The following TENM2 variants were observed in gnomAD, a reference collection of about 807,000 sequenced individuals.
TENM2 encodes teneurin-2.
TENM2 carries 52 observed loss-of-function variants against 245.2 expected under a neutral mutation model. The ratio of observed to expected loss-of-function variants is 0.21; its 90% CI spans 0.17 to 0.27. The LOEUF is 0.27. Among genes scored for constraint, TENM2 ranks in the 10% least tolerant of loss-of-function variants. TENM2 has a pLI of 1.00. For synonymous variants in TENM2, 1,363 were observed against 1,438.9 expected, an observed-to-expected ratio of 0.95 and a Z score of 1.19; for missense variants, 3,046 against 3,666.8, an observed-to-expected ratio of 0.83 and a Z score of 4.37.
chr5:167,358,836 CA>C (rs1411072357), intron 1 of TENM2, among the ~76,000 whole-genome samples: 9 of 127,112 alleles, frequency 7.1e-5, no homozygotes, highest in African/African-American at 8.3e-5. Flanking sequence ...CACACACACA[CA>C]CACACACACA....
intron 5 of TENM2, among the ~76,000 whole-genome samples, chr5:168,023,314 C>T (rs963029470): frequency 2.0e-5 from 3 of 152,216 alleles, no homozygotes; most frequent in African/African-American, 7.2e-5. Context: ...GCAGCATTCC[C>T]CCCATCCAGC....
chr5:168,203,925 T>G, intron 18 of TENM2, 93 bp downstream of exon 20: 5 of 1,104,570 alleles, frequency 4.5e-6, no homozygotes, highest in Non-Finnish European at 6.0e-6. Context: ...ACACCTCCCC[T>G]TCCCTGGGTC....
chr5:167,865,268 T>C lies in TENM2; in HGVS notation c.503-10718T>C, dbSNP rs1398768988. Among the ~76,000 whole-genome samples, 3 of 152,072 alleles carry C rather than the reference T, an allele frequency of 2.0e-5. No individual in the cohort carries two copies. In the East Asian group the frequency reaches 5.8e-4, roughly 29 times the overall value. On this transcript the variant is annotated intron_variant, in intron 2 of 28. Coordinates refer to ENST00000518659, the Ensembl canonical transcript of TENM2. ...TTAGAGTCAAGAGTGGAATTGAATTTCTCTCTCTCTCTTTTATTTATTTAT... is the reference window on the plus strand; with the variant it reads ...TTAGAGTCAAGAGTGGAATTGAATTCCTCTCTCTCTCTTTTATTTATTTAT...
chr5:167,772,972 G>A (rs1311838813), intron 2 of TENM2, among the ~76,000 whole-genome samples: 1 of 152,064 alleles, frequency 6.6e-6, no homozygotes, highest in Non-Finnish European at 1.5e-5. Flanking sequence ...AAATATCAGA[G>A]CAGTGAAAAA....
intron 1 of TENM2, among the ~76,000 whole-genome samples, chr5:167,334,427 A>T (rs931427082): frequency 6.6e-6 from 1 of 152,238 alleles, no homozygotes; most frequent in Non-Finnish European, 1.5e-5. Context: ...AGATACACTT[A>T]ATGGCATAAA....
At chr5:167,346,885 C>T (rs1758488946) in intron 1 of TENM2, among the ~76,000 whole-genome samples, 2 of 152,096 alleles carry the variant, frequency 1.3e-5, no homozygotes, top group South Asian at 4.1e-4. Context: ...GCAATCCTTC[C>T]ACTTCAAGCC....
intron 6 of TENM2, among the ~76,000 whole-genome samples, chr5:168,050,482 C>G (rs1038383110): frequency 1.3e-5 from 2 of 151,992 alleles, no homozygotes; most frequent in Admixed American, 1.3e-4. Context: ...AACACCGCCT[C>G]CTTTTTTTGG....
chr5:167,363,730 C>CAAAAAAAAAAAAAAAAAAAAAAAAAA (rs10659741), intron 1 of TENM2, among the ~76,000 whole-genome samples: 1 of 89,324 alleles, frequency 1.1e-5, no homozygotes, highest in African/African-American at 4.5e-5. Context: ...GACTCCATCT[C>CAAAAAAAAAAAAAAAAAAAAAAAAAA]AAAAAAAAAA....
chr5:167,810,806 G>T (rs1471459896), intron 2 of TENM2, among the ~76,000 whole-genome samples: 1 of 152,040 alleles, frequency 6.6e-6, no homozygotes, highest in East Asian at 1.9e-4. Flanking sequence ...TGAAGAACTG[G>T]CTTCACTCTT....
intron 5 of TENM2, among the ~76,000 whole-genome samples, chr5:168,045,790 C>T (rs1380547305): frequency 1.3e-5 from 2 of 152,150 alleles, no homozygotes; most frequent in Non-Finnish European, 2.9e-5. Flanking sequence ...CAGAAGCTAT[C>T]GTTATCTTGA....
chr5:167,618,183 C>T (rs1481252546), intron 2 of TENM2, among the ~76,000 whole-genome samples: 1 of 152,116 alleles, frequency 6.6e-6, no homozygotes, highest in Non-Finnish European at 1.5e-5. Context: ...AAGCACTTTG[C>T]AGGTATTCCC....
chr5:167,586,105 A>T (rs1230952623), intron 2 of TENM2, among the ~76,000 whole-genome samples: 2 of 152,180 alleles, frequency 1.3e-5, no homozygotes, highest in African/African-American at 4.8e-5. Flanking sequence ...ACAGAGCGAG[A>T]CTGTCTCAAA....
intron 2 of TENM2, among the ~76,000 whole-genome samples, chr5:167,586,746 A>C (rs550558677): frequency 6.6e-6 from 1 of 152,368 alleles, no homozygotes; most frequent in Admixed American, 6.5e-5. Flanking sequence ...ACCTTATAAC[A>C]ATCACAGTAT....
chr5:167,984,827 C>G (rs2151979990), intron 4 of TENM2, among the ~76,000 whole-genome samples: 1 of 152,256 alleles, frequency 6.6e-6, no homozygotes, highest in Admixed American at 6.5e-5. Flanking sequence ...ACCTCATCCT[C>G]TATGCTTCTC....
chr5:167,707,106 A>G (rs72830080), intron 2 of TENM2, among the ~76,000 whole-genome samples: 8,919 of 151,524 alleles, frequency 0.059, 409 homozygotes, highest in Non-Finnish European at 0.089. Flanking sequence ...TAGCCATCCT[A>G]ACACATGGTA....
intron 2 of TENM2, among the ~76,000 whole-genome samples, chr5:167,491,594 C>T (rs192689414): frequency 1.3e-5 from 2 of 152,152 alleles, no homozygotes; most frequent in Non-Finnish European, 2.9e-5. Flanking sequence ...AAAAGGTTGT[C>T]CGCTGTTACC....
At chr5:167,445,327 A>AGG in intron 2 of TENM2, among the ~76,000 whole-genome samples, 2 of 104,414 alleles carry the variant, frequency 1.9e-5, no homozygotes, top group East Asian at 3.0e-4. Flanking sequence ...ATATATATAT[A>AGG]TATATATATA....
At chr5:167,146,240 T>A in the TENM2 span, among the ~76,000 whole-genome samples, 3 of 152,148 alleles carry the variant, frequency 2.0e-5, no homozygotes, top group Admixed American at 6.5e-5. Context: ...AACCTTGCTA[T>A]CGTGAATGGC....
intron 25 of TENM2, among the ~76,000 whole-genome samples, chr5:168,238,210 G>GAAAA (rs1341683754): frequency 0.014 from 528 of 38,088 alleles, 125 homozygotes; most frequent in African/African-American, 0.051. Flanking sequence ...AGGGAGGGAG[G>GAAAA]GAGGGAGAGA....
Sources: gnomAD v4.1 joint callset for allele counts (sites outside exome capture counted in the v4.1 genomes callset) on GRCh38, gnomAD v4.1.1 for gene constraint, MANE v1.5 for transcripts, NCBI Gene and HGNC (gene_info 2026-07-23, HGNC 2026-07-21) for gene names.